HELZ: variants seen among roughly 807,000 people sequenced by gnomAD.
HELZ encodes the protein helicase with zinc finger.
A neutral mutation model predicts 218.2 loss-of-function variants in HELZ; 23 were observed. The observed-to-expected ratio is 0.11, with a 90% CI of 0.08 to 0.15. The LOEUF is 0.15. Among genes scored for constraint, HELZ ranks in the 10% least tolerant of loss-of-function variants. HELZ has a pLI of 1.00. For synonymous variants in HELZ, 814 were observed against 829.4 expected, an observed-to-expected ratio of 0.98 and a Z score of 0.32; for missense variants, 1,813 against 2,353.7, an observed-to-expected ratio of 0.77 and a Z score of 4.75.
chr17:67,165,050 C>G (rs1316514484), intron 15 of HELZ, among the ~76,000 whole-genome samples: 4 of 152,160 alleles, frequency 2.6e-5, no homozygotes, highest in Non-Finnish European at 5.9e-5. Flanking sequence ...TGAAGAGGAG[C>G]TGAATCCGAA....
chr17:67,113,569 T>C (rs893887521), intron 28 of HELZ, among the ~76,000 whole-genome samples: 3 of 152,152 alleles, frequency 2.0e-5, no homozygotes, highest in Non-Finnish European at 4.4e-5. Context: ...AGATTAATCT[T>C]AACGGGAACT....
intron 7 of HELZ, 30 bp downstream of exon 7, chr17:67,201,099 T>A: frequency 6.6e-7 from 1 of 1,505,014 alleles, no homozygotes; most frequent in Non-Finnish European, 9.3e-7. Flanking sequence ...AGTCAAACTC[T>A]TCCAAACGGA....
chr17:67,242,435 AATCT>A (rs200263112), intron 2 of HELZ, among the ~76,000 whole-genome samples: 1,651 of 146,032 alleles, frequency 0.011, 100 homozygotes, highest in African/African-American at 0.042. Context: ...AAAGAAAAAA[AATCT>A]ATCTATCTAT....
chr17:67,144,143 GA>G (rs1456744421), intron 21 of HELZ, among the ~76,000 whole-genome samples: 20 of 152,012 alleles, frequency 1.3e-4, no homozygotes, highest in Non-Finnish European at 2.5e-4. Context: ...ATACCATCAA[GA>G]AAAGCCCAGA....
intron 3 of HELZ, among the ~76,000 whole-genome samples, chr17:67,231,592 G>GA (rs777015874): frequency 3.3e-3 from 350 of 107,364 alleles, no homozygotes; most frequent in African/African-American, 6.3e-3. Context: ...GACTCTGTCG[G>GA]AAAAAAAAAA....
At chr17:67,210,312 C>T (rs754943868) in intron 5 of HELZ, among the ~76,000 whole-genome samples, 13 of 152,224 alleles carry the variant, frequency 8.5e-5, no homozygotes, top group Non-Finnish European at 1.2e-4. Context: ...TTCAACCAAT[C>T]GCCTATCAAT....
intron 31 of HELZ, among the ~76,000 whole-genome samples, chr17:67,100,482 C>T (rs923103281): frequency 3.2e-4 from 49 of 152,126 alleles, no homozygotes. Context: ...AAGCCAACTC[C>T]GAGACTTTTA....
At chr17:67,153,171 G>A (rs2038739960) in intron 17 of HELZ, among the ~76,000 whole-genome samples, 1 of 152,176 alleles carries the variant, frequency 6.6e-6, no homozygotes, top group South Asian at 2.1e-4. Flanking sequence ...CAGGTCGGGT[G>A]AAGGTGAGTT....
intron 9 of HELZ, among the ~76,000 whole-genome samples, chr17:67,192,645 A>G (rs907816173): frequency 1.3e-5 from 2 of 152,196 alleles, no homozygotes; most frequent in African/African-American, 4.8e-5. Context: ...CTTCTACAAC[A>G]TAACACCACT....
intron 31 of HELZ, among the ~76,000 whole-genome samples, chr17:67,089,666 TATAGAGAGAGAGAG>T (rs1416093311): frequency 2.2e-4 from 12 of 54,828 alleles, no homozygotes; most frequent in African/African-American, 7.0e-4. Context: ...TATATATATA[TATAGAGAGAGAGAG>T]AGAGAGAGAG....
rs561597181 is a variant in HELZ, at chr17:67,106,913, G to C, written c.5241+256C>G. Among the ~76,000 whole-genome samples, 5 of 152,282 alleles carry C rather than the reference G, an allele frequency of 3.3e-5. No individual in the cohort carries two copies. The South Asian group carries it at 6.2e-4, about 19-fold the overall frequency. On this transcript the variant is annotated intron_variant, in intron 31 of 32. Transcript: ENST00000358691. ...AAAAAAAGACAAAGCTCCTTGAATAGAGTCCTCAGATATTCAATATTTTCT... is the reference window on the plus strand; with the variant it reads ...AAAAAAAGACAAAGCTCCTTGAATACAGTCCTCAGATATTCAATATTTTCT...
intron 31 of HELZ, among the ~76,000 whole-genome samples, chr17:67,089,694 G>GAGAGACAGAC (rs1555595478): frequency 5.0e-5 from 5 of 100,728 alleles, no homozygotes; most frequent in African/African-American, 2.1e-4. Flanking sequence ...GAGAGAGAGA[G>GAGAGACAGAC]AGAGAGACAG....
rs548014700 is a variant in HELZ, at chr17:67,141,475, A to G, written c.2770-3361T>C. ...TATAAAAATATATTGAGTTTGTTATATATAGGTATATTATATATAATAGCA... is the reference window on the plus strand; with the variant it reads ...TATAAAAATATATTGAGTTTGTTATGTATAGGTATATTATATATAATAGCA... On this transcript the variant is annotated intron_variant, in intron 21 of 32. Coordinates refer to ENST00000358691, the MANE Select transcript of HELZ (RefSeq NM_014877.4). Among the ~76,000 whole-genome samples the G allele has an allele frequency of 2.6e-5, 4 of 151,822 alleles. No homozygotes were observed. In the South Asian group the frequency reaches 8.3e-4, roughly 31 times the overall value.
At chr17:67,186,886 T>C (rs896764830) in intron 12 of HELZ, among the ~76,000 whole-genome samples, 1 of 152,222 alleles carries the variant, frequency 6.6e-6, no homozygotes, top group Non-Finnish European at 1.5e-5. Flanking sequence ...TCTCAAGGTC[T>C]GGTCTCTAAA....
intron 14 of HELZ, among the ~76,000 whole-genome samples, chr17:67,166,847 T>C (rs2039160945): frequency 6.6e-6 from 1 of 152,198 alleles, no homozygotes; most frequent in South Asian, 2.1e-4. Flanking sequence ...ATGATATATA[T>C]ATACTATTAT....
intron 18 of HELZ, chr17:67,150,270 C>T (rs896915960): frequency 2.6e-5 from 6 of 234,306 alleles, no homozygotes; most frequent in African/African-American, 9.3e-5. Context: ...GCTGAGACTA[C>T]GGGCATATGC....
chr17:67,080,300 CTTCCTG>C (rs2036149755), intron 32 of HELZ, among the ~76,000 whole-genome samples: 1 of 152,124 alleles, frequency 6.6e-6, no homozygotes, highest in South Asian at 2.1e-4. Flanking sequence ...GCTTTCTAGT[CTTCCTG>C]TTCCACTGAA....
chr17:67,187,384 T>C (rs1270531266), intron 12 of HELZ, among the ~76,000 whole-genome samples: 2 of 152,166 alleles, frequency 1.3e-5, no homozygotes, highest in Non-Finnish European at 2.9e-5. Flanking sequence ...GTTTCAACCT[T>C]ACTAGCAGCT....
chr17:67,227,759 CTCTG>C (rs1186182637), intron 3 of HELZ, among the ~76,000 whole-genome samples: 1 of 152,208 alleles, frequency 6.6e-6, no homozygotes, highest in Non-Finnish European at 1.5e-5. Context: ...CACTCTGAAC[CTCTG>C]TCTGTGACAG....
Sources: allele counts gnomAD v4.1 joint callset (sites outside exome capture counted in the v4.1 genomes callset), GRCh38; gene constraint gnomAD v4.1.1; transcripts MANE v1.5; gene names NCBI Gene and HGNC (gene_info 2026-07-23, HGNC 2026-07-21).